The following CERS3 variants were observed in gnomAD, a reference collection of about 807,000 sequenced individuals.
CERS3 encodes ceramide synthase 3, also known as LAG1 homolog, ceramide synthase 3.
A neutral mutation model predicts 50.3 loss-of-function variants in CERS3; 33 were observed. The ratio of observed to expected loss-of-function variants is 0.66; its 90% CI spans 0.50 to 0.88. The LOEUF (loss-of-function observed/expected upper bound fraction) is 0.88, where lower values mean the gene tolerates loss of function less well. Ranked by LOEUF, CERS3 falls within the 40% of genes least tolerant of loss-of-function variation. CERS3 has a pLI of 0.00. For synonymous variants in CERS3, 176 were observed against 155.2 expected (o/e 1.13, Z -0.99); for missense variants, 470 against 460.3 (o/e 1.02, Z -0.19).
intron 8 of CERS3, 145 bp downstream of exon 8, chr15:100,475,941 A>ATAT (rs1375713694): frequency 2.5e-5 from 10 of 403,516 alleles, no homozygotes; most frequent in Non-Finnish European, 4.1e-5. Context: ...ATAATTAGCA[A>ATAT]TATTTTATGT....
At chr15:100,496,234 T>C (rs1358774287) in intron 3 of CERS3, among the ~76,000 whole-genome samples, 1 of 152,220 alleles carries the variant, frequency 6.6e-6, no homozygotes, top group African/African-American at 2.4e-5. Flanking sequence ...TGTACTCAAA[T>C]TGTTCATAGT....
intron 10 of CERS3, among the ~76,000 whole-genome samples, chr15:100,461,506 C>T (rs116058052): frequency 6.6e-6 from 1 of 152,140 alleles, no homozygotes; most frequent in Admixed American, 6.5e-5. Context: ...ATGAGAACAC[C>T]ACCCAGGTGG....
At chr15:100,497,880 CACACACACACACACACT>C (rs2035870439) in intron 3 of CERS3, among the ~76,000 whole-genome samples, 1 of 83,060 alleles carries the variant, frequency 1.2e-5, no homozygotes. Context: ...CACACACACA[CACACACACACACACACT>C]TTTTTTTTTT....
At chr15:100,406,767 G>A (rs1054341765) in intron 11 of CERS3, among the ~76,000 whole-genome samples, 6 of 152,172 alleles carry the variant, frequency 3.9e-5, no homozygotes, top group African/African-American at 1.4e-4. Flanking sequence ...GATTTCTGTA[G>A]AGAACAAGGG....
At chr15:100,504,746 A>G (rs189111960) in intron 2 of CERS3, among the ~76,000 whole-genome samples, 328 of 152,298 alleles carry the variant, frequency 2.2e-3, no homozygotes, top group Non-Finnish European at 3.7e-3. Flanking sequence ...CTGGGTACAA[A>G]GGTGCAGTAA....
intron 8 of CERS3, among the ~76,000 whole-genome samples, chr15:100,474,701 C>T (rs757256102): frequency 3.9e-5 from 6 of 152,254 alleles, no homozygotes; most frequent in Non-Finnish European, 8.8e-5. Flanking sequence ...CTGCGCCCAG[C>T]CTCAGGAAGT....
intron 11 of CERS3, among the ~76,000 whole-genome samples, chr15:100,444,896 T>C (rs1427354414): frequency 2.0e-5 from 3 of 152,198 alleles, no homozygotes; most frequent in Non-Finnish European, 4.4e-5. Flanking sequence ...CACCTCTATA[T>C]AGTCCAATAG....
intron 5 of CERS3, among the ~76,000 whole-genome samples, chr15:100,484,141 C>T (rs986194828): frequency 9.2e-5 from 14 of 151,996 alleles, no homozygotes; most frequent in African/African-American, 3.4e-4. Context: ...ATTCTCTGCT[C>T]TTACAGTTGT....
At chr15:100,492,189 G>A (rs752277278) in intron 3 of CERS3, among the ~76,000 whole-genome samples, 3 of 152,188 alleles carry the variant, frequency 2.0e-5, no homozygotes, top group Non-Finnish European at 4.4e-5. Context: ...GTTGAGTAGA[G>A]TGTTCTATAG....
intron 11 of CERS3, among the ~76,000 whole-genome samples, chr15:100,435,123 C>G (rs759324692): frequency 6.6e-6 from 1 of 152,214 alleles, no homozygotes; most frequent in African/African-American, 2.4e-5. Context: ...TCATTTGCAA[C>G]TGCCTCCTTT....
chr15:100,467,942 G>A (rs902635074), intron 10 of CERS3, among the ~76,000 whole-genome samples: 3 of 149,914 alleles, frequency 2.0e-5, no homozygotes, highest in African/African-American at 7.4e-5. Context: ...GGCTGATCTA[G>A]AACTCCTGGG....
intron 1 of CERS3, among the ~76,000 whole-genome samples, chr15:100,528,175 T>C (rs1237860056): frequency 6.6e-6 from 1 of 152,224 alleles, no homozygotes; most frequent in Non-Finnish European, 1.5e-5. Flanking sequence ...AGTAGTTTGA[T>C]TTTGTTTCAC....
chr15:100,520,195 G>C lies in CERS3; in HGVS notation c.-2+1472C>G, dbSNP rs543485069. ...CCAAAGAAGACTTGGGGAGGGGAAG[G>C]CAGGGGACGTAGCATGCAGTGGCCA... On this transcript the variant is annotated intron_variant, in intron 2 of 11. Transcript: ENST00000679737. Among the ~76,000 whole-genome samples, 25 of 152,298 alleles carry C rather than the reference G, an allele frequency of 1.6e-4. No homozygotes were observed. The South Asian group carries it at 5.2e-3, about 32-fold the overall frequency.
chr15:100,478,582 T>G (rs2035207968), intron 7 of CERS3, among the ~76,000 whole-genome samples: 2 of 152,162 alleles, frequency 1.3e-5, no homozygotes, highest in South Asian at 4.1e-4. Flanking sequence ...AAAGGCATTA[T>G]GTTCAAAGAA....
intron 10 of CERS3, among the ~76,000 whole-genome samples, chr15:100,466,477 A>C (rs1394756421): frequency 6.6e-6 from 1 of 152,174 alleles, no homozygotes; most frequent in Non-Finnish European, 1.5e-5. Flanking sequence ...TATGAGTCAG[A>C]TTTAGTGACC....
At chr15:100,430,108 C>T (rs1468595693) in intron 11 of CERS3, among the ~76,000 whole-genome samples, 1 of 151,856 alleles carries the variant, frequency 6.6e-6, no homozygotes, top group Non-Finnish European at 1.5e-5. Context: ...GTCAGGAGAT[C>T]GAGACCATCC....
chr15:100,405,024 G>C (rs1340116448), intron 11 of CERS3, among the ~76,000 whole-genome samples: 2 of 152,072 alleles, frequency 1.3e-5, no homozygotes, highest in Non-Finnish European at 2.9e-5. Context: ...GAAAACCCAT[G>C]ACCTTGATCT....
chr15:100,532,054 AG>A (rs2036950249), upstream of CERS3, among the ~76,000 whole-genome samples: 1 of 146,062 alleles, frequency 6.8e-6, no homozygotes. Flanking sequence ...AGAGCCACTT[AG>A]GAACTAGAAG....
At chr15:100,541,960 T>C (rs2037212926) in intron 1 of CERS3, among the ~76,000 whole-genome samples, 1 of 152,222 alleles carries the variant, frequency 6.6e-6, no homozygotes, top group Non-Finnish European at 1.5e-5. Flanking sequence ...ATTAAATGTC[T>C]GGAGTAACCA....
Sources: allele counts gnomAD v4.1 joint callset (sites outside exome capture counted in the v4.1 genomes callset), GRCh38; gene constraint gnomAD v4.1.1; transcripts MANE v1.5; gene names NCBI Gene and HGNC (gene_info 2026-07-23, HGNC 2026-07-21).